Variants in CNTN5 observed in about 807,000 individuals in gnomAD.
The protein encoded by CNTN5 is contactin 5, also known as contactin-5.
In CNTN5, 77 loss-of-function variants were observed where a neutral mutation model predicts 129.1. That is an observed-to-expected ratio of 0.60 (90% confidence interval 0.50 to 0.72). CNTN5 has a LOEUF of 0.72. Among genes scored for constraint, CNTN5 ranks in the 30% least tolerant of loss-of-function variants. The probability of loss-of-function intolerance (pLI) is 0.00; values close to 1 mark genes in which losing one functional copy is unlikely to be tolerated. For synonymous variants in CNTN5, 509 were observed against 465.6 expected, an observed-to-expected ratio of 1.09 and a Z score of -1.20; for missense variants, 1,478 against 1,328.8, an observed-to-expected ratio of 1.11 and a Z score of -1.75.
At chr11:99,491,923 A>G (rs1197158945) in intron 2 of CNTN5, among the ~76,000 whole-genome samples, 4 of 152,172 alleles carry the variant, frequency 2.6e-5, no homozygotes, top group Non-Finnish European at 5.9e-5. Context: ...TATCCTGAAG[A>G]GGTTTTAAGC....
At chr11:99,948,234 T>G (rs916466061) in intron 7 of CNTN5, among the ~76,000 whole-genome samples, 1 of 152,176 alleles carries the variant, frequency 6.6e-6, no homozygotes, top group Non-Finnish European at 1.5e-5. Flanking sequence ...TTAATGTAAG[T>G]GGAGATGAGG....
intron 18 of CNTN5, among the ~76,000 whole-genome samples, chr11:100,276,550 A>AGG (rs1950517458): frequency 7.4e-6 from 1 of 134,926 alleles, no homozygotes; most frequent in Non-Finnish European, 1.6e-5. Context: ...AAAAAAAAAA[A>AGG]AAGGAAAGAA....
At chr11:99,488,345 G>A (rs1291590955) in intron 2 of CNTN5, among the ~76,000 whole-genome samples, 1 of 142,972 alleles carries the variant, frequency 7.0e-6, no homozygotes, top group East Asian at 2.0e-4. Flanking sequence ...GCTAATTTTT[G>A]TATTTTTAGT....
At chr11:99,715,623 T>A (rs1565455312) in intron 3 of CNTN5, among the ~76,000 whole-genome samples, 1 of 151,964 alleles carries the variant, frequency 6.6e-6, no homozygotes, top group South Asian at 2.1e-4. Context: ...CAAGGAGTAA[T>A]AAACAAAAAG....
At chr11:99,793,750 G>T (rs549117964) in intron 3 of CNTN5, among the ~76,000 whole-genome samples, 3 of 152,122 alleles carry the variant, frequency 2.0e-5, no homozygotes, top group African/African-American at 7.2e-5. Context: ...TCTTAGTATT[G>T]ATTTCTATTT....
chr11:99,512,536 G>T (rs924511474), intron 2 of CNTN5, among the ~76,000 whole-genome samples: 2 of 152,120 alleles, frequency 1.3e-5, no homozygotes, highest in African/African-American at 4.8e-5. Flanking sequence ...TATTTATAAC[G>T]TGAAGGCTCG....
chr11:99,053,288 G>A (rs1368778710), intron 1 of CNTN5, among the ~76,000 whole-genome samples: 1 of 151,758 alleles, frequency 6.6e-6, no homozygotes, highest in Non-Finnish European at 1.5e-5. Context: ...TTTGCTGATA[G>A]CCTGAAATCA....
chr11:100,233,794 T>G (rs2069357393), intron 16 of CNTN5, among the ~76,000 whole-genome samples: 1 of 152,090 alleles, frequency 6.6e-6, no homozygotes, highest in African/African-American at 2.4e-5. Flanking sequence ...TCTTTGCCCA[T>G]GCCCAGATGG....
chr11:100,074,351 G>C, intron 13 of CNTN5, 57 bp downstream of exon 13: 1 of 1,385,368 alleles, frequency 7.2e-7, no homozygotes. Flanking sequence ...GGTTACAGGT[G>C]ACACACACAA....
intron 1 of CNTN5, among the ~76,000 whole-genome samples, chr11:99,279,959 A>T (rs1863618889): frequency 1.3e-5 from 2 of 151,602 alleles, no homozygotes; most frequent in Admixed American, 1.3e-4. Flanking sequence ...GTTTCTAGGC[A>T]ACAAAGCATA....
At chr11:100,141,204 G>T (rs1188199382) in intron 13 of CNTN5, among the ~76,000 whole-genome samples, 1 of 152,132 alleles carries the variant, frequency 6.6e-6, no homozygotes, top group Non-Finnish European at 1.5e-5. Context: ...ACAGCCATGT[G>T]GGGATTAAAG....
At chr11:99,937,565 C>T (rs1441501888) in intron 7 of CNTN5, among the ~76,000 whole-genome samples, 1 of 152,114 alleles carries the variant, frequency 6.6e-6, no homozygotes, top group Non-Finnish European at 1.5e-5. Context: ...CAGGTTATGT[C>T]AACAAGGATC....
At chr11:99,515,949 G>GA (rs35512504) in intron 2 of CNTN5, among the ~76,000 whole-genome samples, 33,921 of 143,652 alleles carry the variant, frequency 0.24, 4,321 homozygotes, top group Middle Eastern at 0.35. Flanking sequence ...ATAATTTTAT[G>GA]AAAAAAAAAA....
intron 2 of CNTN5, among the ~76,000 whole-genome samples, chr11:99,394,171 A>G (rs76314809): frequency 0.14 from 20,824 of 151,708 alleles, 1,487 homozygotes; most frequent in Non-Finnish European, 0.16. Context: ...ATTTAGTATT[A>G]TTGAATATCA....
At chr11:99,551,843 G>A (rs188947025) in intron 2 of CNTN5, among the ~76,000 whole-genome samples, 69 of 151,782 alleles carry the variant, frequency 4.5e-4, no homozygotes, top group African/African-American at 1.5e-3. Flanking sequence ...GCAGTTCAAC[G>A]TTGACTGAAA....
At chr11:99,517,633 A>C (rs1359576144) in intron 2 of CNTN5, among the ~76,000 whole-genome samples, 1 of 151,912 alleles carries the variant, frequency 6.6e-6, no homozygotes, top group Non-Finnish European at 1.5e-5. Context: ...CTTTGACTTG[A>C]GCTCACCACG....
intron 7 of CNTN5, among the ~76,000 whole-genome samples, chr11:99,932,589 A>C (rs1321411734): frequency 6.6e-6 from 1 of 152,112 alleles, no homozygotes; most frequent in Non-Finnish European, 1.5e-5. Flanking sequence ...CAATTTTGTC[A>C]CTTATCAGCA....
At chr11:99,684,611 G>A (rs576507090) in intron 3 of CNTN5, among the ~76,000 whole-genome samples, 5 of 151,922 alleles carry the variant, frequency 3.3e-5, no homozygotes, top group African/African-American at 1.2e-4. Context: ...CCTTTTATAA[G>A]ATTGATAAAA....
chr11:100,008,196 G>A (rs1291017252), intron 9 of CNTN5, among the ~76,000 whole-genome samples: 1 of 151,982 alleles, frequency 6.6e-6, no homozygotes, highest in Admixed American at 6.6e-5. Flanking sequence ...GATGCTCCAA[G>A]AATTTCCAAA....
Sources: gnomAD v4.1 joint callset for allele counts (sites outside exome capture counted in the v4.1 genomes callset) on GRCh38, gnomAD v4.1.1 for gene constraint, MANE v1.5 for transcripts, NCBI Gene and HGNC (gene_info 2026-07-23, HGNC 2026-07-21) for gene names.